Variants in HEMK2 observed in about 807,000 individuals in gnomAD.
HEMK2 encodes the protein methyltransferase HEMK2.
the HEMK2 span, among the ~76,000 whole-genome samples, chr21:28,710,571 C>T: frequency 6.6e-6 from 1 of 152,292 alleles, no homozygotes; most frequent in East Asian, 1.9e-4. Context: ...CATTTCAGTG[C>T]TGTTTCATTT....
chr21:28,811,443 C>CACAG, the HEMK2 span, among the ~76,000 whole-genome samples: 7 of 121,116 alleles, frequency 5.8e-5, no homozygotes, highest in African/African-American at 2.1e-4. Flanking sequence ...GAGGGACGGA[C>CACAG]GCAGGGAGGG....
chr21:28,649,236 C>G, the HEMK2 span, among the ~76,000 whole-genome samples: 1 of 152,038 alleles, frequency 6.6e-6, no homozygotes, highest in African/African-American at 2.4e-5. Flanking sequence ...AGTCATATCA[C>G]TTAGCTAAAT....
the HEMK2 span, chr21:28,878,053 G>A: frequency 3.0e-6 from 2 of 677,710 alleles, no homozygotes; most frequent in South Asian, 6.3e-5. Flanking sequence ...ATTTATGCCT[G>A]TATTAGCTAC....
At chr21:28,877,042 GGGAGGGAGGGAGGGAGGGAA>G in the HEMK2 span, among the ~76,000 whole-genome samples, 1 of 30,064 alleles carries the variant, frequency 3.3e-5, no homozygotes, top group East Asian at 7.0e-4. Flanking sequence ...GAAGGAGGGA[GGGAGGGAGGGAGGGAGGGAA>G]GGAGGGAGGG....
chr21:28,632,875 C>A, the HEMK2 span, among the ~76,000 whole-genome samples: 1 of 152,158 alleles, frequency 6.6e-6, no homozygotes. Flanking sequence ...TGGAGTTTGA[C>A]GGTGGGATGA....
At chr21:28,657,131 T>TG in the HEMK2 span, among the ~76,000 whole-genome samples, 1 of 152,122 alleles carries the variant, frequency 6.6e-6, no homozygotes, top group Non-Finnish European at 1.5e-5. Flanking sequence ...CAACTATGTA[T>TG]GTTTTTCTAT....
chr21:28,665,786 C>T, the HEMK2 span, among the ~76,000 whole-genome samples: 4 of 151,980 alleles, frequency 2.6e-5, no homozygotes, highest in Admixed American at 1.3e-4. Flanking sequence ...CACATGCACA[C>T]GTATGTTTAT....
the HEMK2 span, among the ~76,000 whole-genome samples, chr21:28,831,466 A>AACGAAC: frequency 3.6e-5 from 1 of 27,446 alleles, no homozygotes. Context: ...AAAGAACGAA[A>AACGAAC]GAAAGAAAGA....
At chr21:28,751,329 T>C in the HEMK2 span, among the ~76,000 whole-genome samples, 1 of 152,134 alleles carries the variant, frequency 6.6e-6, no homozygotes, top group Admixed American at 6.5e-5. Context: ...TGTGGGTTTC[T>C]TATCAACTGC....
At chr21:28,849,806 T>TA in the HEMK2 span, among the ~76,000 whole-genome samples, 1 of 152,090 alleles carries the variant, frequency 6.6e-6, no homozygotes, top group African/African-American at 2.4e-5. Context: ...CAAAATTACT[T>TA]AGACAAAAAT....
the HEMK2 span, among the ~76,000 whole-genome samples, chr21:28,673,934 C>T: frequency 6.6e-6 from 1 of 152,202 alleles, no homozygotes; most frequent in African/African-American, 2.4e-5. Context: ...ACCAGAGCAA[C>T]TCCATCTTAA....
At chr21:28,695,004 A>G in the HEMK2 span, among the ~76,000 whole-genome samples, 1 of 152,042 alleles carries the variant, frequency 6.6e-6, no homozygotes, top group Non-Finnish European at 1.5e-5. Flanking sequence ...TCTCAAAAAA[A>G]AAAAAAAAAG....
the HEMK2 span, among the ~76,000 whole-genome samples, chr21:28,763,395 G>C: frequency 2.0e-5 from 3 of 152,190 alleles, 1 homozygote; most frequent in African/African-American, 7.2e-5. Context: ...GCAAGAGAGA[G>C]AGCAAGAGGA....
chr21:28,766,457 G>T, the HEMK2 span, among the ~76,000 whole-genome samples: 410 of 151,920 alleles, frequency 2.7e-3, 11 homozygotes, highest in East Asian at 0.058. Context: ...ATGCCTTAAA[G>T]AACTAAAAGT....
At chr21:28,712,885 C>T in the HEMK2 span, among the ~76,000 whole-genome samples, 1 of 152,178 alleles carries the variant, frequency 6.6e-6, no homozygotes, top group Non-Finnish European at 1.5e-5. Flanking sequence ...GACTAATTTA[C>T]ACCAATCATG....
the HEMK2 span, among the ~76,000 whole-genome samples, chr21:28,650,374 G>A: frequency 2.0e-5 from 3 of 151,566 alleles, no homozygotes; most frequent in African/African-American, 7.3e-5. Context: ...CAGCCTGGGC[G>A]ACAGGGTAAG....
At chr21:28,747,453 T>C in the HEMK2 span, among the ~76,000 whole-genome samples, 7 of 152,178 alleles carry the variant, frequency 4.6e-5, no homozygotes, top group Admixed American at 2.0e-4. Context: ...TGGCTAATGA[T>C]GAAAATACAT....
chr21:28,702,670 T>A, the HEMK2 span, among the ~76,000 whole-genome samples: 2 of 152,062 alleles, frequency 1.3e-5, no homozygotes, highest in Non-Finnish European at 2.9e-5. Flanking sequence ...CAGATTCTAG[T>A]GAGGGTGCAG....
chr21:28,882,220 A>C, the HEMK2 span: 1 of 1,610,604 alleles, frequency 6.2e-7, no homozygotes. Flanking sequence ...CTAGGGTACA[A>C]GCTGCTGCCT....
Sources: gnomAD v4.1 joint callset for allele counts (sites outside exome capture counted in the v4.1 genomes callset) on GRCh38, gnomAD v4.1.1 for gene constraint, MANE v1.5 for transcripts, NCBI Gene and HGNC (gene_info 2026-07-23, HGNC 2026-07-21) for gene names.